Variants in CAST observed in about 807,000 individuals in gnomAD.
The protein encoded by CAST is calpastatin.
A neutral mutation model predicts 119.6 loss-of-function variants in CAST; 76 were observed. The ratio of observed to expected loss-of-function variants is 0.64; its 90% CI spans 0.53 to 0.77. The LOEUF is 0.77. Among genes scored for constraint, CAST ranks in the 30% least tolerant of loss-of-function variants. The probability of loss-of-function intolerance (pLI) is 0.00; values close to 1 mark genes in which losing one functional copy is unlikely to be tolerated. For synonymous variants in CAST, 319 were observed against 331.6 expected (o/e 0.96, Z 0.41); for missense variants, 953 against 946.5 (o/e 1.01, Z -0.09).
intron 1 of CAST, among the ~76,000 whole-genome samples, chr5:96,650,130 T>G (rs563133742): frequency 6.6e-6 from 1 of 152,186 alleles, no homozygotes; most frequent in Non-Finnish European, 1.5e-5. Flanking sequence ...CATACAATGC[T>G]CATCAAATAC....
At chr5:96,041,901 G>A in the CAST span, among the ~76,000 whole-genome samples, 1 of 152,114 alleles carries the variant, frequency 6.6e-6, no homozygotes, top group South Asian at 2.1e-4. Flanking sequence ...TAGTTCCAGA[G>A]GTAGAGCCAG....
rs949681247 is a variant in CAST at position 96,773,963 on chromosome 5, C to A, written c.*1347C>A. 6.6e-6 allele frequency: 1 copy of A among 152,204 alleles called. No homozygotes were observed. Among genetic ancestry groups the A allele is most frequent in the South Asian group, 2.1e-4 (1 of 4,838 alleles). The allele number at this position is 152,204 out of a possible 1,614,324, so 9.4% of individuals were successfully genotyped here. A position where few individuals can be genotyped will look rare whatever the true frequency, so the allele number is the denominator to read the frequency against. ...GGCACCACATCTTGTTAACCTCCCCCCCAAATACTCTCTGAAAGTCATGCA... is the reference window on the plus strand; with the variant it reads ...GGCACCACATCTTGTTAACCTCCCCACCAAATACTCTCTGAAAGTCATGCA... On this transcript the variant is annotated 3_prime_UTR_variant, in exon 32 of 32. Coordinates refer to ENST00000675179, the MANE Select transcript of CAST (RefSeq NM_001750.7).
At chr5:96,134,359 G>T in the CAST span, among the ~76,000 whole-genome samples, 16 of 152,138 alleles carry the variant, frequency 1.1e-4, no homozygotes, top group African/African-American at 3.4e-4. Context: ...TTCTTTCTCA[G>T]AAGTCTTTAA....
chr5:96,049,633 A>G, the CAST span, among the ~76,000 whole-genome samples: 261 of 152,208 alleles, frequency 1.7e-3, no homozygotes, highest in African/African-American at 5.4e-3. Context: ...AGAAAACAGG[A>G]AAAGTCCAGG....
At chr5:96,745,134 G>T (rs1561566882) in intron 16 of CAST, among the ~76,000 whole-genome samples, 1 of 152,220 alleles carries the variant, frequency 6.6e-6, no homozygotes, top group East Asian at 1.9e-4. Context: ...GGATGTTCAT[G>T]AAGGCCGCTG....
the CAST span, among the ~76,000 whole-genome samples, chr5:96,381,737 G>A: frequency 1.3e-5 from 2 of 152,172 alleles, no homozygotes. Context: ...TCACACACAT[G>A]CTCTTTTGAT....
At chr5:96,057,976 G>A in the CAST span, among the ~76,000 whole-genome samples, 4 of 151,998 alleles carry the variant, frequency 2.6e-5, no homozygotes, top group African/African-American at 9.7e-5. Flanking sequence ...TGAGCAGTGG[G>A]GTGCCTTATT....
At chr5:96,579,245 T>C (rs1388429853) in intron 1 of CAST, among the ~76,000 whole-genome samples, 3 of 152,196 alleles carry the variant, frequency 2.0e-5, no homozygotes, top group African/African-American at 7.2e-5. Flanking sequence ...CTTACAAATA[T>C]GCCCCAGTGC....
chr5:96,670,446 A>C (rs1441230883), intron 1 of CAST, among the ~76,000 whole-genome samples: 1 of 152,190 alleles, frequency 6.6e-6, no homozygotes, highest in African/African-American at 2.4e-5. Context: ...AATGCTGGCA[A>C]GGGCTGCTTT....
At chr5:96,727,601 C>T in intron 6 of CAST, 71 bp downstream of exon 6, 1 of 992,948 alleles carries the variant, frequency 1.0e-6, no homozygotes, top group Non-Finnish European at 1.5e-6. Flanking sequence ...AACTTCCTGC[C>T]TTGGCACAGC....
At chr5:96,039,648 G>A in the CAST span, among the ~76,000 whole-genome samples, 71 of 152,272 alleles carry the variant, frequency 4.7e-4, no homozygotes, top group African/African-American at 1.6e-3. Context: ...CCTATTGCTT[G>A]TGTGTGTCAA....
At chr5:96,368,722 A>C in the CAST span, among the ~76,000 whole-genome samples, 1 of 151,924 alleles carries the variant, frequency 6.6e-6, no homozygotes, top group African/African-American at 2.4e-5. Context: ...CTTGGATCCT[A>C]TGTTTTCTTG....
At chr5:96,307,631 T>G in the CAST span, among the ~76,000 whole-genome samples, 1 of 152,210 alleles carries the variant, frequency 6.6e-6, no homozygotes, top group African/African-American at 2.4e-5. Flanking sequence ...TCAGGAGCTC[T>G]TGTAAGGCAG....
At chr5:96,201,276 T>C in the CAST span, among the ~76,000 whole-genome samples, 1 of 152,152 alleles carries the variant, frequency 6.6e-6, no homozygotes, top group Non-Finnish European at 1.5e-5. Flanking sequence ...TTGTGTTTGG[T>C]GCTAGTGCAG....
chr5:96,766,977 C>T (rs1770228378), intron 27 of CAST, among the ~76,000 whole-genome samples: 1 of 152,130 alleles, frequency 6.6e-6, no homozygotes, highest in Admixed American at 6.5e-5. Flanking sequence ...CTGCTAGAGC[C>T]CTTCCCACTT....
chr5:96,394,469 G>A, the CAST span, among the ~76,000 whole-genome samples: 12 of 152,168 alleles, frequency 7.9e-5, no homozygotes, highest in Admixed American at 3.9e-4. Flanking sequence ...ATGGATACAC[G>A]AATGTCTATC....
the CAST span, among the ~76,000 whole-genome samples, chr5:96,040,743 A>C: frequency 6.6e-6 from 1 of 152,134 alleles, no homozygotes; most frequent in South Asian, 2.1e-4. Context: ...ATGGCGAATA[A>C]GATTTTGATG....
upstream of CAST, among the ~76,000 whole-genome samples, chr5:96,521,573 G>T (rs115270825): frequency 9.9e-5 from 15 of 152,074 alleles, no homozygotes; most frequent in African/African-American, 3.6e-4. Context: ...TGTGACTCTT[G>T]TTCCCACATA....
At chr5:96,312,881 AC>A in the CAST span, among the ~76,000 whole-genome samples, 1 of 152,028 alleles carries the variant, frequency 6.6e-6, no homozygotes, top group Non-Finnish European at 1.5e-5. Flanking sequence ...AACTTAAGTG[AC>A]CTTTTCCTCA....
Sources: gnomAD v4.1 joint callset for allele counts (sites outside exome capture counted in the v4.1 genomes callset) on GRCh38, gnomAD v4.1.1 for gene constraint, MANE v1.5 for transcripts, NCBI Gene and HGNC (gene_info 2026-07-23, HGNC 2026-07-21) for gene names.